The following LTBP2 variants were observed in gnomAD, a reference collection of about 807,000 sequenced individuals.
LTBP2 encodes latent-transforming growth factor beta-binding protein 2.
A neutral mutation model predicts 210.6 loss-of-function variants in LTBP2; 103 were observed. The ratio of observed to expected loss-of-function variants is 0.49; its 90% CI spans 0.42 to 0.58. The LOEUF is 0.58. Ranked by LOEUF, LTBP2 falls within the 20% of genes least tolerant of loss-of-function variation. The probability of loss-of-function intolerance (pLI) is 0.00; values close to 1 mark genes in which losing one functional copy is unlikely to be tolerated. For synonymous variants in LTBP2, 1,007 were observed against 1,015.0 expected, an observed-to-expected ratio of 0.99 and a Z score of 0.15; for missense variants, 2,313 against 2,494.5, an observed-to-expected ratio of 0.93 and a Z score of 1.55.
rs78169571 is a variant in LTBP2 at position 74,594,515 on chromosome 14, G to A, written c.566-8397C>T. ...TAAGACCCTATCCACTGAGCCACCC[G>A]ATCCCCTCCTCAGGCCGGGGCCCTG... On this transcript the variant is annotated intron_variant, in intron 2 of 35. Coordinates refer to ENST00000261978, the MANE Select transcript of LTBP2 (RefSeq NM_000428.3). 1.2e-3 allele frequency among the ~76,000 whole-genome samples: 177 copies of A among 152,266 alleles called. 7 individuals carry two copies. The East Asian group carries it at 0.03, about 25-fold the overall frequency.
intron 34 of LTBP2, among the ~76,000 whole-genome samples, chr14:74,502,373 TTC>T (rs146628935): frequency 8.0e-4 from 121 of 151,704 alleles, no homozygotes; most frequent in East Asian, 4.4e-3. Context: ...GTGAACAGCT[TTC>T]TCTCTCTCTC....
chr14:74,523,154 C>T (rs760898333), intron 15 of LTBP2, among the ~76,000 whole-genome samples: 1 of 152,132 alleles, frequency 6.6e-6, no homozygotes, highest in Non-Finnish European at 1.5e-5. Context: ...TCCCCCTCAC[C>T]GAGATCTAAT....
At chr14:74,569,574 A>G (rs2087948477) in intron 3 of LTBP2, among the ~76,000 whole-genome samples, 1 of 152,198 alleles carries the variant, frequency 6.6e-6, no homozygotes, top group Non-Finnish European at 1.5e-5. Context: ...TCCCAGGTCC[A>G]ATGACAGAAG....
chr14:74,509,975 G>A, intron 20 of LTBP2, 116 bp from the exon 21 acceptor site: 1 of 1,609,348 alleles, frequency 6.2e-7, no homozygotes, highest in Non-Finnish European at 8.5e-7. Flanking sequence ...TTGGGTCAGT[G>A]TGAATAGGGA....
chr14:74,571,962 GA>G lies in LTBP2; in HGVS notation c.830+13891del, dbSNP rs35696324. Among the ~76,000 whole-genome samples, 281 of 146,798 alleles carry G rather than the reference GA, an allele frequency of 1.9e-3. 3 individuals are homozygous for G. The highest frequency in any genetic ancestry group is 0.011 in the East Asian group (56 of 4,986). ...AATATTTTTGTAGGAGAAATAAGGA[GA>G]AAAAAAAAAACCCACAGAATGCTTG... On this transcript the variant is annotated intron_variant, in intron 3 of 35. Transcript: ENST00000261978.
Position 74,498,886 on chromosome 14 carries a change from CT to C in LTBP2, c.*1997del. On this transcript the variant is annotated 3_prime_UTR_variant, in exon 36 of 36. Transcript: ENST00000261978. ...TCTTTCTTAAGGAATTTAGAGCCAC[CT>C]TTTTTAAGGGTTCCATAGCAATTAA... The C allele has an allele frequency of 4.4e-6, 1 of 226,812 alleles. No homozygotes were observed. Among genetic ancestry groups the C allele is most frequent in the Non-Finnish European group, 8.8e-6 (1 of 114,122 alleles). 14.0% of individuals were successfully genotyped at this position (226,812 alleles called of 1,614,324 possible). A position where few individuals can be genotyped will look rare whatever the true frequency, so the allele number is the denominator to read the frequency against.
intron 1 of LTBP2, among the ~76,000 whole-genome samples, chr14:74,608,566 C>G (rs7147181): frequency 0.33 from 49,201 of 151,386 alleles, 10,180 homozygotes; most frequent in Non-Finnish European, 0.46. Context: ...AAAAATTAGC[C>G]GGGTGTGGTG....
At chr14:74,519,207 G>C (rs545024667) in intron 17 of LTBP2, among the ~76,000 whole-genome samples, 2 of 152,288 alleles carry the variant, frequency 1.3e-5, no homozygotes, top group African/African-American at 4.8e-5. Context: ...GTGAATTTCA[G>C]TAAATCAAAA....
At chr14:74,503,070 C>T in intron 33 of LTBP2, 136 bp from the exon 34 acceptor site, 1 of 1,479,512 alleles carries the variant, frequency 6.8e-7, no homozygotes, top group South Asian at 1.2e-5. Flanking sequence ...CCACCTCTCC[C>T]CTGCCCTACT....
intron 3 of LTBP2, among the ~76,000 whole-genome samples, chr14:74,567,096 G>A (rs1424529208): frequency 6.6e-6 from 1 of 152,204 alleles, no homozygotes; most frequent in Admixed American, 6.5e-5. Context: ...TTCAGGCAGG[G>A]AGACGGAGGG....
chr14:74,598,887 A>G (rs1296909433), intron 2 of LTBP2, among the ~76,000 whole-genome samples: 1 of 152,108 alleles, frequency 6.6e-6, no homozygotes, highest in Non-Finnish European at 1.5e-5. Context: ...AAGCCCTCGC[A>G]CTCTGGAACC....
chr14:74,604,064 G>A (rs2088487298), intron 1 of LTBP2, among the ~76,000 whole-genome samples: 1 of 149,762 alleles, frequency 6.7e-6, no homozygotes, highest in Non-Finnish European at 1.5e-5. Flanking sequence ...GAGAGGTTCA[G>A]TGACTTGCCA....
At chr14:74,561,221 G>C (rs1388485548) in intron 3 of LTBP2, among the ~76,000 whole-genome samples, 4 of 152,158 alleles carry the variant, frequency 2.6e-5, no homozygotes, top group Non-Finnish European at 5.9e-5. Flanking sequence ...AGGAGGCTGA[G>C]GCAGGAGAAT....
chr14:74,540,267 A>G (rs1036096860), intron 8 of LTBP2, among the ~76,000 whole-genome samples: 1 of 151,878 alleles, frequency 6.6e-6, no homozygotes, highest in Non-Finnish European at 1.5e-5. Flanking sequence ...GAGCTCTGGA[A>G]CTCGAGACCA....
chr14:74,526,009 C>T, intron 14 of LTBP2, 66 bp downstream of exon 14: 1 of 1,504,090 alleles, frequency 6.6e-7, no homozygotes, highest in Non-Finnish European at 9.1e-7. Context: ...AGTAACTCCA[C>T]TCCTGATTAA....
chr14:74,593,430 T>A (rs1004658894), intron 2 of LTBP2, among the ~76,000 whole-genome samples: 32 of 152,214 alleles, frequency 2.1e-4, no homozygotes, highest in African/African-American at 7.7e-4. Context: ...CTCGCTGAGA[T>A]GTCTCCACCA....
intron 3 of LTBP2, among the ~76,000 whole-genome samples, chr14:74,563,120 G>A (rs527751248): frequency 5.3e-5 from 8 of 152,256 alleles, no homozygotes; most frequent in African/African-American, 1.9e-4. Flanking sequence ...AAGTTCAAAA[G>A]CCTGGGCCCC....
At chr14:74,599,080 G>A (rs746554570) in intron 2 of LTBP2, among the ~76,000 whole-genome samples, 12 of 152,180 alleles carry the variant, frequency 7.9e-5, no homozygotes, top group Non-Finnish European at 1.8e-4. Context: ...GAGCTATCGC[G>A]TTCATATCAT....
At chr14:74,511,182 TG>T in intron 19 of LTBP2, 62 bp downstream of exon 19, 1 of 1,610,968 alleles carries the variant, frequency 6.2e-7, no homozygotes. Context: ...TTTCCGTGTG[TG>T]GGCTCAACCA....
Sources: allele counts gnomAD v4.1 joint callset (sites outside exome capture counted in the v4.1 genomes callset), GRCh38; gene constraint gnomAD v4.1.1; transcripts MANE v1.5; gene names NCBI Gene and HGNC (gene_info 2026-07-23, HGNC 2026-07-21).